IL1RAPL1: variants seen among roughly 807,000 people sequenced by gnomAD.
IL1RAPL1 encodes interleukin 1 receptor accessory protein like 1.
IL1RAPL1 carries 3 observed loss-of-function variants against 48.4 expected under a neutral mutation model. That is an observed-to-expected ratio of 0.06 (90% CI 0.03 to 0.16). The LOEUF is 0.16. Among genes scored for constraint, IL1RAPL1 ranks in the 10% least tolerant of loss-of-function variants. The probability of loss-of-function intolerance (pLI) is 1.00; values close to 1 mark genes in which losing one functional copy is unlikely to be tolerated. For synonymous variants in IL1RAPL1, 185 were observed against 187.7 expected, an observed-to-expected ratio of 0.99 and a Z score of 0.12; for missense variants, 349 against 530.6, an observed-to-expected ratio of 0.66 and a Z score of 3.36.
At chrX:29,735,776 C>T (rs774218589) in intron 6 of IL1RAPL1, among the ~76,000 whole-genome samples, 1 of 111,736 alleles carries the variant, frequency 8.9e-6, no homozygotes, top group African/African-American at 3.3e-5. Context: ...ATAGATATTC[C>T]ACCAATATGT....
At chrX:29,735,747 C>A (rs1928027179) in intron 6 of IL1RAPL1, among the ~76,000 whole-genome samples, 1 of 111,731 alleles carries the variant, frequency 9.0e-6, no homozygotes, top group Non-Finnish European at 1.9e-5. Context: ...GCCTAAGAAC[C>A]AAATTGGAGA....
chrX:28,905,671 C>G (rs1337021409), intron 2 of IL1RAPL1, among the ~76,000 whole-genome samples: 1 of 111,916 alleles, frequency 8.9e-6, no homozygotes, highest in East Asian at 2.8e-4. Context: ...AGTATTTATA[C>G]TAATTCTTGA....
At position 29,955,522 on chromosome X, in the gene IL1RAPL1, C is replaced by T; in HGVS notation, c.1793C>T (p.Thr598Ile). Reference protein sequence around the residue: ...SAISMAAATSTALATAHPDLR... With the variant: ...SAISMAAATSIALATAHPDLR... ...ATTTCCATGGCCGCGGCCACCTCCA[C>T]AGCTCTAGCCACTGCCCATCCAGAT... Residue 598 changes from threonine (T) to isoleucine (I), a missense_variant, in exon 11 of 11, where the codon ACA (threonine) becomes ATA (isoleucine). By Grantham distance (89) the Thr-to-Ile change is moderately conservative. Transcript: ENST00000378993. The T allele has an allele frequency of 8.3e-7, 1 of 1,209,598 alleles. No homozygotes were observed. Among genetic ancestry groups the T allele is most frequent in the Non-Finnish European group, 1.1e-6 (1 of 894,516 alleles).
At chrX:29,587,364 G>A (rs1015944285) in intron 5 of IL1RAPL1, among the ~76,000 whole-genome samples, 2 of 86,670 alleles carry the variant, frequency 2.3e-5, no homozygotes, top group Admixed American at 1.4e-4. Flanking sequence ...GTTACCAGGG[G>A]TTGAGGTTGT....
At position 29,633,252 on chromosome X, in the gene IL1RAPL1, G is replaced by C. The variant is rs1924840804; in HGVS notation, c.704-35178G>C. 2.7e-5 allele frequency among the ~76,000 whole-genome samples: 3 copies of C among 111,304 alleles called. No homozygotes were observed. The Admixed American group carries it at 2.9e-4, about 11-fold the overall frequency. Reference sequence around the variant, plus strand: ...TTATGTGAAAGAAGCCAGAAAAAAAGAGTATATAATATATGATTTCATTTA... The same window carrying C: ...TTATGTGAAAGAAGCCAGAAAAAAACAGTATATAATATATGATTTCATTTA... On this transcript the variant is annotated intron_variant, in intron 5 of 10. Coordinates refer to ENST00000378993, the MANE Select transcript of IL1RAPL1 (RefSeq NM_014271.4).
chrX:28,959,347 T>G (rs1212188896), intron 2 of IL1RAPL1, among the ~76,000 whole-genome samples: 1 of 111,545 alleles, frequency 9.0e-6, no homozygotes, highest in Non-Finnish European at 1.9e-5. Context: ...TGCTGTATTT[T>G]TAAAATCAAT....
chrX:29,557,426 G>A (rs1922040296), intron 5 of IL1RAPL1, among the ~76,000 whole-genome samples: 1 of 111,686 alleles, frequency 9.0e-6, no homozygotes, highest in Non-Finnish European at 1.9e-5. Context: ...TGTACAACAC[G>A]ATGTTTCGAT....
At chrX:28,702,484 A>G (rs749710924) in intron 1 of IL1RAPL1, among the ~76,000 whole-genome samples, 1 of 112,047 alleles carries the variant, frequency 8.9e-6, no homozygotes, top group African/African-American at 3.2e-5. Flanking sequence ...AATACAACTG[A>G]CAGGTTTTCA....
At chrX:29,332,006 T>C (rs928407114) in intron 3 of IL1RAPL1, among the ~76,000 whole-genome samples, 1 of 109,604 alleles carries the variant, frequency 9.1e-6, no homozygotes, top group Admixed American at 9.8e-5. Flanking sequence ...TTAACTATTA[T>C]TATTACTATG....
At chrX:29,723,345 C>T (rs1270503658) in intron 6 of IL1RAPL1, among the ~76,000 whole-genome samples, 1 of 111,910 alleles carries the variant, frequency 8.9e-6, no homozygotes, top group Non-Finnish European at 1.9e-5. Context: ...GCCTCCCGGG[C>T]TCAAGTGATT....
intron 5 of IL1RAPL1, among the ~76,000 whole-genome samples, chrX:29,625,470 A>G (rs1404099310): frequency 1.6e-4 from 18 of 112,016 alleles, no homozygotes; most frequent in African/African-American, 5.8e-4. Flanking sequence ...GGACTCTTGG[A>G]CAAATACCTC....
chrX:28,862,003 G>A (rs1569187946), intron 2 of IL1RAPL1, among the ~76,000 whole-genome samples: 1 of 111,036 alleles, frequency 9.0e-6, no homozygotes, highest in Non-Finnish European at 1.9e-5. Flanking sequence ...TTAACGAGGA[G>A]TTTTTTTAAA....
chrX:29,475,743 T>C (rs916400168), intron 5 of IL1RAPL1, among the ~76,000 whole-genome samples: 2 of 111,953 alleles, frequency 1.8e-5, no homozygotes, highest in Non-Finnish European at 3.8e-5. Context: ...ATTAACATGA[T>C]GATTAAGACG....
intron 5 of IL1RAPL1, among the ~76,000 whole-genome samples, chrX:29,597,300 T>A (rs1324615719): frequency 9.1e-6 from 1 of 109,760 alleles, no homozygotes; most frequent in African/African-American, 3.3e-5. Flanking sequence ...ATTACAGGCA[T>A]GTGCCACCAC....
intron 5 of IL1RAPL1, among the ~76,000 whole-genome samples, chrX:29,458,080 C>T (rs1934760487): frequency 8.9e-6 from 1 of 112,216 alleles, no homozygotes; most frequent in South Asian, 3.7e-4. Context: ...TGTGACTGGC[C>T]TTGTACATCC....
At chrX:29,654,019 G>C (rs1172779613) in intron 5 of IL1RAPL1, among the ~76,000 whole-genome samples, 2 of 108,647 alleles carry the variant, frequency 1.8e-5, no homozygotes, top group Non-Finnish European at 3.8e-5. Context: ...TGGTAAGAAA[G>C]GAAGGATGAA....
At position 29,403,925 on chromosome X, in the gene IL1RAPL1, T is replaced by A. The variant is rs187092607; in HGVS notation, c.703+4617T>A. ...GTACAATTGTTTTAGCATTTAGCCT[T>A]ACAGACTTCACTCATTTCCAAAGTT... On this transcript the variant is annotated intron_variant, in intron 5 of 10. Coordinates refer to ENST00000378993, the MANE Select transcript of IL1RAPL1 (RefSeq NM_014271.4). Among the ~76,000 whole-genome samples, 586 of 112,597 alleles carry A rather than the reference T, an allele frequency of 5.2e-3. 4 individuals carry two copies. The highest frequency in any genetic ancestry group is 0.018 in the African/African-American group (553 of 31,036).
chrX:29,531,537 C>T (rs1921039058), intron 5 of IL1RAPL1, among the ~76,000 whole-genome samples: 1 of 111,812 alleles, frequency 8.9e-6, no homozygotes, highest in African/African-American at 3.3e-5. Context: ...TTGTCCTTTC[C>T]TACCCATGAA....
At chrX:29,294,414 G>A (rs990203422) in intron 3 of IL1RAPL1, among the ~76,000 whole-genome samples, 1 of 108,164 alleles carries the variant, frequency 9.2e-6, no homozygotes, top group Non-Finnish European at 1.9e-5. Context: ...TGTAGTCCCA[G>A]CTACTCGGGA....
Sources: allele counts gnomAD v4.1 joint callset (sites outside exome capture counted in the v4.1 genomes callset), GRCh38; gene constraint gnomAD v4.1.1; transcripts MANE v1.5; gene names NCBI Gene and HGNC (gene_info 2026-07-23, HGNC 2026-07-21).